UGT1A6: variants seen among roughly 807,000 people sequenced by gnomAD.
UGT1A6 encodes UDP-glucuronosyltransferase 1A6.
UGT1A6 carries 32 observed loss-of-function variants against 44.4 expected under a neutral mutation model. The observed-to-expected ratio is 0.72, with a 90% confidence interval of 0.54 to 0.97. UGT1A6 has a LOEUF of 0.97. UGT1A6 is among the 50% of genes least tolerant of loss of function. The probability of loss-of-function intolerance (pLI) is 0.00; values close to 1 mark genes in which losing one functional copy is unlikely to be tolerated. For missense variants in UGT1A6, 685 were observed against 661.9 expected (o/e 1.03, Z -0.38); for synonymous variants, 238 against 248.5 (o/e 0.96, Z 0.40).
At chr2:233,722,287 T>G (rs2125687052) in intron 1 of UGT1A6, among the ~76,000 whole-genome samples, 2 of 152,350 alleles carry the variant, frequency 1.3e-5, no homozygotes, top group Admixed American at 1.3e-4. Flanking sequence ...TGATTTCCTT[T>G]GTTATTTTGT....
At chr2:233,715,316 T>C (rs2076444924) in intron 1 of UGT1A6, among the ~76,000 whole-genome samples, 1 of 152,236 alleles carries the variant, frequency 6.6e-6, no homozygotes, top group Non-Finnish European at 1.5e-5. Flanking sequence ...TTTTGCTTTA[T>C]ACATAGTGAT....
chr2:233,692,999 T>C lies in UGT1A6; in HGVS notation c.-6T>C, dbSNP rs745858663. On this transcript the variant is annotated 5_prime_UTR_variant, in exon 1 of 5. Transcript: ENST00000305139. ...TATTACCGTTGTTACTTTAACTCTT[T>C]CCAGGATGGCCTGCCTCCTTCGCTC... The C allele has an allele frequency of 6.2e-7, 1 of 1,614,050 alleles. No individual in the cohort carries two copies. The highest frequency in any genetic ancestry group is 1.1e-5 in the South Asian group (1 of 91,018).
At chr2:233,713,023 A>G (rs576086579) in intron 1 of UGT1A6, 145 of 1,613,794 alleles carry the variant, frequency 9.0e-5, no homozygotes, top group Middle Eastern at 7.0e-4. Context: ...CCCCTGCCGC[A>G]GCTGGCCACA....
intron 1 of UGT1A6, chr2:233,747,525 C>A: frequency 6.2e-7 from 1 of 1,605,956 alleles, no homozygotes; most frequent in Non-Finnish European, 8.5e-7. Flanking sequence ...TGAAACAGAA[C>A]ATTTTCTGAA....
chr2:233,710,257 T>G (rs1404834948), intron 1 of UGT1A6, among the ~76,000 whole-genome samples: 1 of 152,232 alleles, frequency 6.6e-6, no homozygotes, highest in Admixed American at 6.5e-5. Context: ...TTTCTGAGAT[T>G]TCATTTTTCT....
At chr2:233,760,630 A>G (rs759620086) in intron 1 of UGT1A6, 1 of 1,614,164 alleles carries the variant, frequency 6.2e-7, no homozygotes, top group South Asian at 1.1e-5. Flanking sequence ...AACATACAAG[A>G]AAATAAAAAA....
intron 1 of UGT1A6, chr2:233,730,114 C>T: frequency 1.3e-6 from 2 of 1,562,004 alleles, no homozygotes; most frequent in South Asian, 1.2e-5. Flanking sequence ...TCTGCTTCTC[C>T]TTGTCATAAT....
At chr2:233,745,616 T>G (rs1169913759) in intron 1 of UGT1A6, among the ~76,000 whole-genome samples, 1 of 151,452 alleles carries the variant, frequency 6.6e-6, no homozygotes, top group African/African-American at 2.4e-5. Context: ...AAGCACACAA[T>G]GAACAGTCAT....
At position 233,719,508 on chromosome 2, in the gene UGT1A6, C is replaced by T. The variant is rs760142681; in HGVS notation, c.861+25643C>T. The stretch of plus-strand genomic sequence containing the variant: ...CTACATTTGCCATACTTTTTCTGCC[C>T]CTTATGCAAGTCTTGCCTCTGAGCT... On this transcript the variant is annotated intron_variant, in intron 1 of 4. Coordinates refer to ENST00000305139, the MANE Select transcript of UGT1A6 (RefSeq NM_001072.4). 7 of 1,613,820 alleles carry T rather than the reference C, an allele frequency of 4.3e-6. No homozygotes were observed. In the South Asian group the frequency reaches 5.5e-5, roughly 13 times the overall value.
At chr2:233,718,347 A>G (rs1195672744) in intron 1 of UGT1A6, among the ~76,000 whole-genome samples, 2 of 152,214 alleles carry the variant, frequency 1.3e-5, no homozygotes, top group African/African-American at 4.8e-5. Flanking sequence ...TGTCTTTTGG[A>G]TGTGCTGTGT....
At chr2:233,722,989 C>T (rs1375139966) in intron 1 of UGT1A6, among the ~76,000 whole-genome samples, 3 of 146,558 alleles carry the variant, frequency 2.0e-5, no homozygotes, top group South Asian at 2.4e-4. Flanking sequence ...GCTGTCTCAG[C>T]GTGGCAGAGG....
At chr2:233,743,977 C>A (rs1692620866) in intron 1 of UGT1A6, 2 of 1,309,814 alleles carry the variant, frequency 1.5e-6, no homozygotes, top group Middle Eastern at 2.3e-4. Context: ...CTGCCAGCAC[C>A]CAGGCGCAGG....
chr2:233,724,299 A>C (rs1357747984), intron 1 of UGT1A6, among the ~76,000 whole-genome samples: 1 of 112,984 alleles, frequency 8.9e-6, no homozygotes, highest in Non-Finnish European at 1.8e-5. Flanking sequence ...TGACCCCCCC[A>C]CCTCCCTCCC....
chr2:233,729,144 G>C, intron 1 of UGT1A6: 1 of 1,613,472 alleles, frequency 6.2e-7, no homozygotes, highest in Non-Finnish European at 8.5e-7. Flanking sequence ...CAGGACTCCA[G>C]GTTCCCCTGC....
chr2:233,695,207 C>A (rs1327154624), intron 1 of UGT1A6, among the ~76,000 whole-genome samples: 2 of 151,466 alleles, frequency 1.3e-5, no homozygotes, highest in East Asian at 1.9e-4. Flanking sequence ...CCCACTGCAA[C>A]CTCCACCTCC....
At position 233,767,137 on chromosome 2, in the gene UGT1A6, C is replaced by T. The variant is rs761316504; in HGVS notation, c.965C>T (p.Ala322Val). The T allele has an allele frequency of 3.1e-6, 5 of 1,614,108 alleles. No homozygotes were observed. The highest frequency in any genetic ancestry group is 1.7e-5 in the Admixed American group (1 of 60,028). Reference protein sequence around the residue: ...EIPEKKAMAIADALGKIPQTV... With the variant: ...EIPEKKAMAIVDALGKIPQTV... ...CCAGAGAAGAAAGCTATGGCAATTGCTGATGCTTTGGGCAAAATCCCTCAG... is the reference window on the plus strand; with the variant it reads ...CCAGAGAAGAAAGCTATGGCAATTGTTGATGCTTTGGGCAAAATCCCTCAG... The change falls in exon 2 of 5, where the codon GCT becomes GTT. Residue 322 changes from alanine (A) to valine (V), a missense_variant. Coordinates refer to ENST00000305139, the MANE Select transcript of UGT1A6 (RefSeq NM_001072.4).
In UGT1A6 at chr2:233,768,427, T is replaced by A; in HGVS notation, c.1289T>A (p.Ile430Asn). ...TTAGAAAATGCTCTAAAAGCAGTCA[T>A]CAATGACAAAAGGTAAGAAAGAAGA... is the stretch of plus-strand genomic sequence containing the variant. ...EDLENALKAV[I>N]NDKSYKENIM... Residue 430 changes from isoleucine (I) to asparagine (N), a missense_variant, in exon 4 of 5, where the codon ATC becomes AAC. Transcript: ENST00000305139. 1 of 1,614,006 alleles carries A rather than the reference T, an allele frequency of 6.2e-7. No individual in the cohort carries two copies. The highest frequency in any genetic ancestry group is 8.5e-7 in the Non-Finnish European group (1 of 1,179,966).
At chr2:233,719,982 G>A (rs2076818942) in intron 1 of UGT1A6, among the ~76,000 whole-genome samples, 1 of 152,176 alleles carries the variant, frequency 6.6e-6, no homozygotes, top group South Asian at 2.1e-4. Flanking sequence ...AGCTCGGCAG[G>A]ATCAGGGACA....
chr2:233,701,900 C>A lies in UGT1A6; in HGVS notation c.861+8035C>A, dbSNP rs182385495. Reference sequence around the variant, plus strand: ...GCCCACAAGAGAAAGCAGAAAAGATCTAAAATTGACACCCTAACATCACAA... The same window carrying A: ...GCCCACAAGAGAAAGCAGAAAAGATATAAAATTGACACCCTAACATCACAA... On this transcript the variant is annotated intron_variant, in intron 1 of 4. Coordinates refer to ENST00000305139, the MANE Select transcript of UGT1A6 (RefSeq NM_001072.4). Among the ~76,000 whole-genome samples, 549 of 152,132 alleles carry A rather than the reference C, an allele frequency of 3.6e-3. 1 individual carries two copies. Among genetic ancestry groups the A allele is most frequent in the Middle Eastern group, 0.014 (4 of 294 alleles).
Sources: allele counts gnomAD v4.1 joint callset (sites outside exome capture counted in the v4.1 genomes callset), GRCh38; gene constraint gnomAD v4.1.1; transcripts MANE v1.5; gene names NCBI Gene and HGNC (gene_info 2026-07-23, HGNC 2026-07-21).